Variants in GOLM1 observed in about 807,000 individuals in gnomAD.
GOLM1 encodes epididymis luminal protein 46.
Under a neutral mutation model 50.5 loss-of-function variants are expected in GOLM1, and 31 were observed. The observed-to-expected ratio is 0.61, with a 90% CI of 0.46 to 0.83. GOLM1 has a LOEUF of 0.83. Among genes scored for constraint, GOLM1 ranks in the 40% least tolerant of loss-of-function variants. GOLM1 has a pLI of 0.00. For synonymous variants in GOLM1, 178 were observed against 192.8 expected (o/e 0.92, Z 0.64); for missense variants, 491 against 501.3 (o/e 0.98, Z 0.20).
Position 86,045,668 on chromosome 9 carries a change from G to A in GOLM1, c.467+802C>T, listed in dbSNP as rs558434685. Among the ~76,000 whole-genome samples the A allele has an allele frequency of 1.7e-4, 23 of 137,644 alleles. No homozygotes were observed. The East Asian group carries it at 5.1e-3, about 30-fold the overall frequency. The allele number at this position is 137,644 out of a possible 152,430, so 90.3% of individuals were successfully genotyped here. A position where few individuals can be genotyped will look rare whatever the true frequency, so the allele number is the denominator to read the frequency against. On this transcript the variant is annotated intron_variant, in intron 5 of 9. Coordinates refer to ENST00000388712, the MANE Select transcript of GOLM1 (RefSeq NM_016548.4). The stretch of plus-strand genomic sequence containing the variant: ...CCAGCATGGGGGACAGCGAGACTCC[G>A]CTCAAGAAAAAAAAAAAAAAAGTAT...
rs145102988 is a variant in GOLM1, at chr9:86,027,598, T to G, written c.*219A>C. The G allele has an allele frequency of 8.2e-4, 1,073 of 1,314,774 alleles. 8 individuals are homozygous for G. The African/African-American group carries it at 0.015, about 18-fold the overall frequency. The allele number at this position is 1,314,774 out of a possible 1,614,324, so 81.4% of individuals were successfully genotyped here. ...TCACGAAATACCTACTACCAAAAAT[T>G]GTGACACCTTATTAGACACTTCCAA... On this transcript the variant is annotated 3_prime_UTR_variant, in exon 10 of 10. Coordinates refer to ENST00000388712, the MANE Select transcript of GOLM1 (RefSeq NM_016548.4).
At chr9:86,079,115 A>G in intron 2 of GOLM1, 77 bp downstream of exon 2, 2 of 1,321,044 alleles carry the variant, frequency 1.5e-6, no homozygotes, top group Non-Finnish European at 2.0e-6. Flanking sequence ...TAAACAACAA[A>G]CCCCTGGGAC....
intron 1 of GOLM1, among the ~76,000 whole-genome samples, chr9:86,086,468 T>C (rs1456970396): frequency 6.6e-6 from 1 of 151,836 alleles, no homozygotes; most frequent in East Asian, 1.9e-4. Flanking sequence ...TTAGCTTAAC[T>C]AGATCCCATT....
intron 1 of GOLM1, among the ~76,000 whole-genome samples, chr9:86,095,480 T>TG (rs1483543126): frequency 6.6e-6 from 1 of 151,838 alleles, no homozygotes; most frequent in Non-Finnish European, 1.5e-5. Flanking sequence ...ACTCCTGACT[T>TG]GAAGTGATCC....
intron 4 of GOLM1, among the ~76,000 whole-genome samples, chr9:86,051,831 A>G (rs989765125): frequency 1.3e-5 from 2 of 152,202 alleles, no homozygotes; most frequent in Admixed American, 6.5e-5. Context: ...CCCTTTTCAC[A>G]TAAGACTTTT....
chr9:86,092,355 C>T (rs2118903284), intron 1 of GOLM1, among the ~76,000 whole-genome samples: 1 of 152,286 alleles, frequency 6.6e-6, no homozygotes, highest in East Asian at 1.9e-4. Flanking sequence ...TTATAGCAAC[C>T]AGTCCTCCTC....
At position 86,027,217 on chromosome 9, in the gene GOLM1, T is replaced by G. The variant is rs115545822; in HGVS notation, c.*600A>C. The G allele has an allele frequency of 3.4e-3, 3,335 of 985,432 alleles. 72 individuals are homozygous for G. In the African/African-American group the frequency reaches 0.047, roughly 14 times the overall value. 61.0% of individuals were successfully genotyped at this position (985,432 alleles called of 1,614,324 possible). ...ATTATACAAGTAGCCTTTTAAAAAA[T>G]TCTCACACAGAACAGCTTTGTATTT... On this transcript the variant is annotated 3_prime_UTR_variant, in exon 10 of 10. Coordinates refer to ENST00000388712, the MANE Select transcript of GOLM1 (RefSeq NM_016548.4).
intron 4 of GOLM1, among the ~76,000 whole-genome samples, chr9:86,048,327 T>TA (rs200623477): frequency 0.17 from 26,063 of 152,044 alleles, 2,676 homozygotes; most frequent in African/African-American, 0.3. Flanking sequence ...AGTGCCACAA[T>TA]AAACATACGT....
rs60714833 is a variant in GOLM1, at chr9:86,027,026, C to G, written c.*791G>C. 13,162 of 985,320 alleles carry G rather than the reference C, an allele frequency of 0.013. 938 individuals are homozygous for G. The East Asian group carries it at 0.37, about 28-fold the overall frequency. 61.0% of individuals were successfully genotyped at this position (985,320 alleles called of 1,614,324 possible). On this transcript the variant is annotated 3_prime_UTR_variant, in exon 10 of 10. Transcript: ENST00000388712. ...CTGCTCCAGGTCAGCCCCCTTTTGGCCTGTTTGTTTTGTCAAAAACCTAAT... is the reference window on the plus strand; with the variant it reads ...CTGCTCCAGGTCAGCCCCCTTTTGGGCTGTTTGTTTTGTCAAAAACCTAAT...
intron 9 of GOLM1, among the ~76,000 whole-genome samples, chr9:86,029,272 G>A (rs1805972119): frequency 6.6e-6 from 1 of 152,112 alleles, no homozygotes; most frequent in South Asian, 2.1e-4. Context: ...TGCCCCATAT[G>A]CCATAGAAAA....
intron 1 of GOLM1, among the ~76,000 whole-genome samples, chr9:86,084,705 C>G (rs1346860265): frequency 6.6e-6 from 1 of 152,128 alleles, no homozygotes; most frequent in Non-Finnish European, 1.5e-5. Flanking sequence ...TCCAACCTGT[C>G]AAATGCATGA....
At chr9:86,058,951 T>C (rs1021862398) in intron 3 of GOLM1, among the ~76,000 whole-genome samples, 1 of 152,076 alleles carries the variant, frequency 6.6e-6, no homozygotes, top group Admixed American at 6.6e-5. Context: ...TGATCCGAGA[T>C]TGAGCCATTG....
chr9:86,053,327 C>CA, intron 3 of GOLM1, among the ~76,000 whole-genome samples: 2 of 125,830 alleles, frequency 1.6e-5, no homozygotes, highest in Non-Finnish European at 1.7e-5. Context: ...AGGCCACACA[C>CA]CACACTACAC....
chr9:86,062,902 C>T (rs939145818), intron 3 of GOLM1, among the ~76,000 whole-genome samples: 18 of 152,278 alleles, frequency 1.2e-4, no homozygotes, highest in African/African-American at 3.9e-4. Flanking sequence ...TAGCAGTGGA[C>T]GAGCGCCTGT....
At position 86,054,431 on chromosome 9, in the gene GOLM1, C is replaced by T. The variant is rs147542471; in HGVS notation, c.310-1840G>A. On this transcript the variant is annotated intron_variant, in intron 3 of 9. Transcript: ENST00000388712. The stretch of plus-strand genomic sequence containing the variant: ...TAGAGATGGGGTTTCACCATGTTGG[C>T]CAGGCTGGTCTCAAACTTCTGACCT... Among the ~76,000 whole-genome samples the T allele has an allele frequency of 5.9e-3, 904 of 152,270 alleles. 6 individuals carry two copies. The highest frequency in any genetic ancestry group is 0.011 in the African/African-American group (450 of 41,560).
chr9:86,056,650 C>T (rs1052272763), intron 3 of GOLM1, among the ~76,000 whole-genome samples: 11 of 151,588 alleles, frequency 7.3e-5, no homozygotes, highest in South Asian at 2.1e-4. Context: ...GGACTACAGG[C>T]GCCCGCCACC....
At chr9:86,079,073 G>T in intron 2 of GOLM1, 119 bp downstream of exon 2, 2 of 857,018 alleles carry the variant, frequency 2.3e-6, no homozygotes, top group East Asian at 2.7e-5. Flanking sequence ...CCTTACAAGC[G>T]TGTGCCCTGC....
chr9:86,047,817 A>G (rs1477446971), intron 4 of GOLM1, among the ~76,000 whole-genome samples: 4 of 152,192 alleles, frequency 2.6e-5, no homozygotes, highest in Non-Finnish European at 5.9e-5. Flanking sequence ...GCTGAGAGAG[A>G]AAAGGCAGGC....
chr9:86,036,518 A>AGC lies in GOLM1; in HGVS notation c.598-13_598-12dup. ...ACTGAGGGCTTGGAGCTGAAACAGA[A>AGC]GCACAGGACAGCCAGCCAGGGCAGG... On this transcript the variant is annotated splice_polypyrimidine_tract_variant and intron_variant, in intron 6 of 9. Coordinates refer to ENST00000388712, the MANE Select transcript of GOLM1 (RefSeq NM_016548.4). 1 of 1,613,638 alleles carries AGC rather than the reference A, an allele frequency of 6.2e-7. No homozygotes were observed. Among genetic ancestry groups the AGC allele is most frequent in the Non-Finnish European group, 8.5e-7 (1 of 1,179,828 alleles).
Sources: gnomAD v4.1 joint callset for allele counts (sites outside exome capture counted in the v4.1 genomes callset) on GRCh38, gnomAD v4.1.1 for gene constraint, MANE v1.5 for transcripts, NCBI Gene and HGNC (gene_info 2026-07-23, HGNC 2026-07-21) for gene names.